Variants in PCDHA8 observed in about 807,000 individuals in gnomAD.
The protein encoded by PCDHA8 is protocadherin alpha 8.
Under a neutral mutation model 61.8 loss-of-function variants are expected in PCDHA8, and 53 were observed. The observed-to-expected ratio is 0.86, with a 90% confidence interval of 0.69 to 1.08. PCDHA8 has a LOEUF of 1.08. Ranked by LOEUF, PCDHA8 falls within the 50% of genes least tolerant of loss-of-function variation. PCDHA8 has a pLI of 0.00. For synonymous variants in PCDHA8, 618 were observed against 556.6 expected (o/e 1.11, Z -1.55); for missense variants, 1,293 against 1,245.0 (o/e 1.04, Z -0.58).
At chr5:140,906,092 A>G (rs985090106) in intron 1 of PCDHA8, among the ~76,000 whole-genome samples, 2 of 152,140 alleles carry the variant, frequency 1.3e-5, no homozygotes, top group Non-Finnish European at 2.9e-5. Context: ...GACTGAGAGT[A>G]AGTGTGTCTT....
At chr5:140,850,013 C>G in intron 1 of PCDHA8, 1 of 1,597,018 alleles carries the variant, frequency 6.3e-7, no homozygotes, top group Non-Finnish European at 8.6e-7. Flanking sequence ...CGCTGTCGAG[C>G]TACGTGTCAG....
intron 1 of PCDHA8, chr5:140,850,153 T>A: frequency 1.3e-6 from 2 of 1,595,316 alleles, no homozygotes; most frequent in Non-Finnish European, 1.7e-6. Context: ...ACGCTGCAGG[T>A]GTTCGTGCTG....
intron 1 of PCDHA8, among the ~76,000 whole-genome samples, chr5:140,944,057 G>A (rs1394005045): frequency 1.3e-5 from 2 of 152,130 alleles, no homozygotes; most frequent in African/African-American, 4.8e-5. Context: ...GATACAAAAA[G>A]GTTTCTTGTT....
At chr5:140,896,012 T>C (rs1554186792) in intron 1 of PCDHA8, among the ~76,000 whole-genome samples, 3 of 152,162 alleles carry the variant, frequency 2.0e-5, no homozygotes, top group African/African-American at 7.2e-5. Context: ...GGTTTCTCCA[T>C]GTTGGCCAGG....
chr5:140,970,894 C>T (rs1302694264), intron 1 of PCDHA8, among the ~76,000 whole-genome samples: 1 of 152,090 alleles, frequency 6.6e-6, no homozygotes, highest in Non-Finnish European at 1.5e-5. Context: ...ATGGACATTT[C>T]AGATAGATTT....
rs782180931 is a variant in PCDHA8, at chr5:140,857,881, G to A, written c.2394+14166G>A. 6 of 1,597,644 alleles carry A rather than the reference G, an allele frequency of 3.8e-6. 1 individual carries two copies. In the African/African-American group the frequency reaches 8.1e-5, roughly 22 times the overall value. On this transcript the variant is annotated intron_variant, in intron 1 of 3. Coordinates refer to ENST00000531613, the MANE Select transcript of PCDHA8 (RefSeq NM_018911.3). ...ACGCGTGGCTGTCGTATGAATTGCAGTCGGCGGCGGTTGGTGCACGCATCC... is the reference window on the plus strand; with the variant it reads ...ACGCGTGGCTGTCGTATGAATTGCAATCGGCGGCGGTTGGTGCACGCATCC...
At chr5:140,882,971 G>C in intron 1 of PCDHA8, 1 of 1,614,206 alleles carries the variant, frequency 6.2e-7, no homozygotes, top group Non-Finnish European at 8.5e-7. Flanking sequence ...GATTCTGGAC[G>C]TGAATGACAA....
At chr5:140,944,028 A>T (rs1341498532) in intron 1 of PCDHA8, among the ~76,000 whole-genome samples, 1 of 152,222 alleles carries the variant, frequency 6.6e-6, no homozygotes, top group African/African-American at 2.4e-5. Context: ...TATCTTCAAA[A>T]TATGGAAAAC....
At chr5:140,846,552 T>G (rs1445405487) in intron 1 of PCDHA8, among the ~76,000 whole-genome samples, 2 of 148,312 alleles carry the variant, frequency 1.3e-5, no homozygotes, top group African/African-American at 4.9e-5. Context: ...TTTTTTGTAT[T>G]TTTAGTAGAG....
intron 1 of PCDHA8, chr5:140,968,975 T>G (rs782002097): frequency 2.5e-6 from 4 of 1,614,168 alleles, no homozygotes; most frequent in Non-Finnish European, 3.4e-6. Context: ...CTACACTGCG[T>G]ATGGCACTGC....
At chr5:140,999,638 CTG>C (rs2097866913) in intron 3 of PCDHA8, among the ~76,000 whole-genome samples, 1 of 152,170 alleles carries the variant, frequency 6.6e-6, no homozygotes, top group Non-Finnish European at 1.5e-5. Flanking sequence ...GTAGAGAAAA[CTG>C]TGCAGCCTGA....
rs1254139233 is a variant in PCDHA8 at position 140,846,802 on chromosome 5, C to T, written c.2394+3087C>T. On this transcript the variant is annotated intron_variant, in intron 1 of 3. Transcript: ENST00000531613. Reference sequence around the variant, plus strand: ...ATTATTACTGAGCCCCAGCCCCTGGCTTTAAAATTTGAGGTCAAATAAAGA... The same window carrying T: ...ATTATTACTGAGCCCCAGCCCCTGGTTTTAAAATTTGAGGTCAAATAAAGA... Among the ~76,000 whole-genome samples the T allele has an allele frequency of 4.7e-5, 7 of 149,432 alleles. 1 individual carries two copies. The highest frequency in any genetic ancestry group is 1.7e-4 in the African/African-American group (7 of 40,714).
chr5:140,899,468 G>C (rs1243330987), intron 1 of PCDHA8, among the ~76,000 whole-genome samples: 2 of 152,080 alleles, frequency 1.3e-5, no homozygotes, highest in African/African-American at 4.8e-5. Context: ...TTTGTCTTTG[G>C]TTCTGTTTAT....
At chr5:140,920,199 C>G (rs2079510871) in intron 1 of PCDHA8, among the ~76,000 whole-genome samples, 1 of 152,116 alleles carries the variant, frequency 6.6e-6, no homozygotes, top group African/African-American at 2.4e-5. Flanking sequence ...GTCACAGCAG[C>G]CACAGAAAAC....
At chr5:140,999,051 C>T (rs972072595) in intron 3 of PCDHA8, among the ~76,000 whole-genome samples, 6 of 152,196 alleles carry the variant, frequency 3.9e-5, no homozygotes, top group African/African-American at 9.7e-5. Flanking sequence ...TGCTTTCCAC[C>T]ATGCCTAAGT....
chr5:140,884,515 G>GCCTCTGATAAGCACAA, intron 1 of PCDHA8: 1 of 1,614,174 alleles, frequency 6.2e-7, no homozygotes. Flanking sequence ...GGAGTTGGTC[G>GCCTCTGATAAGCACAA]TACTCGCAGC....
chr5:140,870,347 AGAACGTGTGGGCCTAT>A (rs782552389), intron 1 of PCDHA8: 3 of 1,614,176 alleles, frequency 1.9e-6, no homozygotes, highest in Non-Finnish European at 2.5e-6. Flanking sequence ...CTGGACCGCG[AGAACGTGTGGGCCTAT>A]GAACTGGTGG....
chr5:140,924,647 C>G (rs1396293249), intron 1 of PCDHA8, among the ~76,000 whole-genome samples: 1 of 152,132 alleles, frequency 6.6e-6, no homozygotes, highest in East Asian at 1.9e-4. Context: ...GTAATCCCAG[C>G]ACTTTGGGAG....
intron 2 of PCDHA8, among the ~76,000 whole-genome samples, chr5:140,981,379 G>C (rs1387904235): frequency 6.6e-6 from 1 of 152,152 alleles, no homozygotes; most frequent in Non-Finnish European, 1.5e-5. Context: ...TTCAAGACCA[G>C]CCTGGTCAAT....
Sources: allele counts gnomAD v4.1 joint callset (sites outside exome capture counted in the v4.1 genomes callset), GRCh38; gene constraint gnomAD v4.1.1; transcripts MANE v1.5; gene names NCBI Gene and HGNC (gene_info 2026-07-23, HGNC 2026-07-21).